The following NBEA variants were observed in gnomAD, a reference collection of about 807,000 sequenced individuals.
NBEA encodes lysosomal-trafficking regulator 2.
Under a neutral mutation model 343.4 loss-of-function variants are expected in NBEA, and 44 were observed. The observed-to-expected ratio is 0.13, with a 90% CI of 0.10 to 0.16. NBEA has a LOEUF of 0.16. Among genes scored for constraint, NBEA ranks in the 10% least tolerant of loss-of-function variants. The pLI, the probability that NBEA is intolerant of heterozygous loss-of-function variation, is 1.00. For synonymous variants in NBEA, 1,175 were observed against 1,238.7 expected, an observed-to-expected ratio of 0.95 and a Z score of 1.08; for missense variants, 2,555 against 3,631.3, an observed-to-expected ratio of 0.70 and a Z score of 7.62.
chr13:35,154,626 G>A (rs1380138045), intron 18 of NBEA, among the ~76,000 whole-genome samples: 1 of 152,152 alleles, frequency 6.6e-6, no homozygotes, highest in African/African-American at 2.4e-5. Flanking sequence ...TCAGGCATTA[G>A]TGCTGATTAC....
At chr13:35,365,562 G>A (rs1845001847) in intron 38 of NBEA, among the ~76,000 whole-genome samples, 1 of 151,604 alleles carries the variant, frequency 6.6e-6, no homozygotes, top group Non-Finnish European at 1.5e-5. Context: ...CAGATTCTAA[G>A]GCATTTTTGT....
intron 38 of NBEA, among the ~76,000 whole-genome samples, chr13:35,383,207 G>T (rs2152893420): frequency 6.6e-6 from 1 of 152,266 alleles, no homozygotes; most frequent in Admixed American, 6.5e-5. Context: ...AATTTGGTAA[G>T]TTAGGTGACC....
At chr13:35,464,091 G>A (rs567269762) in intron 40 of NBEA, among the ~76,000 whole-genome samples, 2 of 151,626 alleles carry the variant, frequency 1.3e-5, no homozygotes, top group South Asian at 4.2e-4. Flanking sequence ...ATATAATCAG[G>A]ATGAACAAAT....
In NBEA at chr13:35,542,359, G is replaced by A. The variant is rs74044728; in HGVS notation, c.6586-8118G>A. ...AGTTAAGCCATTTCCAATTTTTCCCGTTTTCAGTTTTATATTACTGAATTA... is the reference window on the plus strand; with the variant it reads ...AGTTAAGCCATTTCCAATTTTTCCCATTTTCAGTTTTATATTACTGAATTA... On this transcript the variant is annotated intron_variant, in intron 41 of 58. Coordinates refer to ENST00000379939, the MANE Select transcript of NBEA (RefSeq NM_001385012.1). Among the ~76,000 whole-genome samples the A allele has an allele frequency of 2.0e-3, 299 of 151,752 alleles. 1 individual carries two copies. Among genetic ancestry groups the A allele is most frequent in the African/African-American group, 6.6e-3 (272 of 41,360 alleles).
intron 56 of NBEA, among the ~76,000 whole-genome samples, chr13:35,665,988 T>A (rs968465263): frequency 6.6e-6 from 1 of 152,108 alleles, no homozygotes; most frequent in Admixed American, 6.5e-5. Context: ...AGGTCCTAGT[T>A]CTGGCTCAAA....
intron 40 of NBEA, among the ~76,000 whole-genome samples, chr13:35,468,366 A>G (rs2075489929): frequency 6.6e-6 from 1 of 152,198 alleles, no homozygotes; most frequent in Admixed American, 6.5e-5. Context: ...AAGCACAGAC[A>G]AAAGCAAGAT....
chr13:35,349,295 G>T, intron 37 of NBEA, 79 bp downstream of exon 37: 11 of 698,460 alleles, frequency 1.6e-5, no homozygotes, highest in South Asian at 9.8e-5. Flanking sequence ...TACATAAGAA[G>T]GTTTTTTTAA....
At chr13:35,029,978 G>A (rs2062147580) in intron 1 of NBEA, among the ~76,000 whole-genome samples, 1 of 151,476 alleles carries the variant, frequency 6.6e-6, no homozygotes, top group African/African-American at 2.4e-5. Context: ...TTGAAGGCCT[G>A]GAGGAAAAGA....
At chr13:35,065,358 G>C (rs1022919668) in intron 8 of NBEA, among the ~76,000 whole-genome samples, 3 of 151,720 alleles carry the variant, frequency 2.0e-5, no homozygotes, top group African/African-American at 7.3e-5. Flanking sequence ...AAGGCACTTA[G>C]TCTTGTTAGA....
At chr13:35,084,564 C>T (rs993533953) in intron 10 of NBEA, among the ~76,000 whole-genome samples, 1 of 152,248 alleles carries the variant, frequency 6.6e-6, no homozygotes, top group African/African-American at 2.4e-5. Flanking sequence ...AGCAGAATCT[C>T]TGGGACACAT....
intron 38 of NBEA, among the ~76,000 whole-genome samples, chr13:35,389,736 C>G (rs2042407547): frequency 6.6e-6 from 1 of 151,972 alleles, no homozygotes. Context: ...GTGATAGAAT[C>G]CTTGTAATGG....
intron 10 of NBEA, among the ~76,000 whole-genome samples, chr13:35,085,492 A>T (rs932435554): frequency 5.3e-5 from 8 of 152,308 alleles, no homozygotes; most frequent in Non-Finnish European, 1.2e-4. Flanking sequence ...CCGCATGATT[A>T]TCTCAATAGA....
intron 1 of NBEA, among the ~76,000 whole-genome samples, chr13:34,995,211 G>T (rs1021013664): frequency 2.6e-5 from 4 of 152,176 alleles, no homozygotes; most frequent in African/African-American, 9.7e-5. Context: ...CCAGCACTTT[G>T]GGAGGCCAAG....
In NBEA at chr13:35,103,415, CT is replaced by C. The variant is rs377189363; in HGVS notation, c.1680+5021del. On this transcript the variant is annotated intron_variant, in intron 11 of 58. Coordinates refer to ENST00000379939, the MANE Select transcript of NBEA (RefSeq NM_001385012.1). ...TTGCATTGTGTTTTGTGATGGCTTG[CT>C]TTTTTTTTTTCTTACTTATTCTCTC... Among the ~76,000 whole-genome samples, 1,242 of 145,826 alleles carry C rather than the reference CT, an allele frequency of 8.5e-3. 16 individuals carry two copies. Among genetic ancestry groups the C allele is most frequent in the African/African-American group, 0.028 (1,140 of 40,228 alleles).
chr13:35,002,745 T>C (rs1013783005), intron 1 of NBEA, among the ~76,000 whole-genome samples: 2 of 152,204 alleles, frequency 1.3e-5, no homozygotes, highest in Non-Finnish European at 2.9e-5. Context: ...TAAGTTTGTT[T>C]ATTCCTGTAG....
At chr13:35,425,533 C>A (rs1052162675) in intron 38 of NBEA, among the ~76,000 whole-genome samples, 1 of 152,138 alleles carries the variant, frequency 6.6e-6, no homozygotes, top group African/African-American at 2.4e-5. Context: ...AATTTCTGTT[C>A]TTTTACATTT....
intron 37 of NBEA, 55 bp downstream of exon 37, chr13:35,349,271 C>T: frequency 1.0e-6 from 1 of 985,976 alleles, no homozygotes; most frequent in South Asian, 1.7e-5. Context: ...CCAAAAATCA[C>T]CTATCTGTGA....
At chr13:35,230,349 T>G (rs2074901427) in intron 33 of NBEA, among the ~76,000 whole-genome samples, 1 of 152,070 alleles carries the variant, frequency 6.6e-6, no homozygotes, top group African/African-American at 2.4e-5. Context: ...GGGGAGAAAG[T>G]TCTCAACCTA....
At chr13:35,458,754 T>C (rs2046725158) in intron 40 of NBEA, among the ~76,000 whole-genome samples, 1 of 152,168 alleles carries the variant, frequency 6.6e-6, no homozygotes, top group African/African-American at 2.4e-5. Flanking sequence ...CTGGTAAACG[T>C]GTCATTTTAA....
Sources: allele counts gnomAD v4.1 joint callset (sites outside exome capture counted in the v4.1 genomes callset), GRCh38; gene constraint gnomAD v4.1.1; transcripts MANE v1.5; gene names NCBI Gene and HGNC (gene_info 2026-07-23, HGNC 2026-07-21).